SMCHD1: variants seen among roughly 807,000 people sequenced by gnomAD.
The protein encoded by SMCHD1 is structural maintenance of chromosomes flexible hinge domain containing 1.
In SMCHD1, 78 loss-of-function variants were observed where a neutral mutation model predicts 254.7. That is an observed-to-expected ratio of 0.31 (90% CI 0.26 to 0.37). The LOEUF is 0.37. Among genes scored for constraint, SMCHD1 ranks in the 10% least tolerant of loss-of-function variants. SMCHD1 has a pLI of 1.00. For synonymous variants in SMCHD1, 766 were observed against 794.9 expected (o/e 0.96, Z 0.61); for missense variants, 1,840 against 2,408.1 (o/e 0.76, Z 4.94).
intron 45 of SMCHD1, among the ~76,000 whole-genome samples, chr18:2,795,040 T>G (rs1230221167): frequency 4.3e-5 from 5 of 117,212 alleles, no homozygotes; most frequent in Admixed American, 8.9e-5. Flanking sequence ...AAATTCTGGG[T>G]TTTTTTTTTG....
chr18:2,723,596 G>A (rs1434039453), intron 20 of SMCHD1, among the ~76,000 whole-genome samples: 3 of 152,160 alleles, frequency 2.0e-5, no homozygotes, highest in Non-Finnish European at 2.9e-5. Flanking sequence ...CAGGGCTGGG[G>A]TGGGAATTGG....
In SMCHD1 at chr18:2,655,898, C is replaced by G. The variant is rs1480752249; in HGVS notation, c.-178C>G. On this transcript the variant is annotated 5_prime_UTR_variant, in exon 1 of 48. Coordinates refer to ENST00000320876, the MANE Select transcript of SMCHD1 (RefSeq NM_015295.3). ...GCAGGAGCGCGTTTGAATCGGTTCC[C>G]GGGTGATCCTCGCGCCTGCCGCTGC... is the stretch of plus-strand genomic sequence containing the variant. 4 of 400,124 alleles carry G rather than the reference C, an allele frequency of 1.0e-5. No homozygotes were observed. Among genetic ancestry groups the G allele is most frequent in the Non-Finnish European group, 1.7e-5 (4 of 234,836 alleles). The allele number at this position is 400,124 out of a possible 1,614,324, so 24.8% of individuals were successfully genotyped here.
chr18:2,785,084 G>C (rs938580972), intron 45 of SMCHD1: 3 of 275,108 alleles, frequency 1.1e-5, no homozygotes, highest in African/African-American at 7.0e-5. Context: ...TATGACATGT[G>C]ATCTCCTGCC....
intron 47 of SMCHD1, among the ~76,000 whole-genome samples, chr18:2,799,331 A>G (rs1441712762): frequency 6.6e-6 from 1 of 152,180 alleles, no homozygotes; most frequent in Admixed American, 6.5e-5. Flanking sequence ...GCTACGTTGC[A>G]AGTACTCTGG....
chr18:2,784,184 CCTTCCA>C (rs1179731745), intron 44 of SMCHD1, among the ~76,000 whole-genome samples: 3 of 152,204 alleles, frequency 2.0e-5, no homozygotes, highest in African/African-American at 4.8e-5. Context: ...CTGTCCTCTT[CCTTCCA>C]CTTATCAATC....
chr18:2,802,451 A>C lies in SMCHD1; in HGVS notation c.5994-77A>C. 5 of 1,070,532 alleles carry C rather than the reference A, an allele frequency of 4.7e-6. No individual in the cohort carries two copies. In the South Asian group the frequency reaches 7.5e-5, roughly 16 times the overall value. The allele number at this position is 1,070,532 out of a possible 1,614,324, so 66.3% of individuals were successfully genotyped here. On this transcript the variant is annotated intron_variant, in intron 47 of 47. Transcript: ENST00000320876. ...ATATGGTTTCATTGGATATTTAAGC[A>C]TTCAGGTGTGATGAGGGAATTCAGG... is the stretch of plus-strand genomic sequence containing the variant.
intron 5 of SMCHD1, among the ~76,000 whole-genome samples, 168 bp from the exon 6 acceptor site, chr18:2,688,226 A>T (rs972410710): frequency 6.6e-6 from 1 of 152,230 alleles, no homozygotes; most frequent in South Asian, 2.1e-4. Context: ...TGGGGACTAC[A>T]CTTTGAGATG....
intron 5 of SMCHD1, among the ~76,000 whole-genome samples, chr18:2,674,949 G>A (rs2073706838): frequency 6.6e-6 from 1 of 152,246 alleles, no homozygotes; most frequent in South Asian, 2.1e-4. Flanking sequence ...AATCAAATTA[G>A]TAAAGACTTA....
At chr18:2,656,953 G>A (rs1389425334) in intron 1 of SMCHD1, among the ~76,000 whole-genome samples, 2 of 152,180 alleles carry the variant, frequency 1.3e-5, no homozygotes, top group Non-Finnish European at 2.9e-5. Flanking sequence ...TACCTACCCC[G>A]TGTATTGGTT....
chr18:2,774,287 A>T (rs1157386889), intron 41 of SMCHD1, among the ~76,000 whole-genome samples: 1 of 152,078 alleles, frequency 6.6e-6, no homozygotes, highest in East Asian at 1.9e-4. Context: ...TTCTTTCTCC[A>T]TTGGCTAGAA....
chr18:2,700,698 TAA>T, intron 11 of SMCHD1, 35 bp from the exon 12 acceptor site: 1 of 1,603,834 alleles, frequency 6.2e-7, no homozygotes, highest in Non-Finnish European at 8.5e-7. Flanking sequence ...TTTTACAACT[TAA>T]TTCTTTTACT....
At chr18:2,797,810 G>A (rs567393724) in intron 47 of SMCHD1, among the ~76,000 whole-genome samples, 24 of 152,192 alleles carry the variant, frequency 1.6e-4, no homozygotes, top group South Asian at 1.5e-3. Flanking sequence ...CCAGCTACTC[G>A]GGAGGCTGAG....
chr18:2,685,887 T>A (rs562753769), intron 5 of SMCHD1, among the ~76,000 whole-genome samples: 2 of 152,252 alleles, frequency 1.3e-5, no homozygotes, highest in Non-Finnish European at 2.9e-5. Context: ...ACAAGTTGTT[T>A]CTACCTTTTG....
intron 22 of SMCHD1, 90 bp from the exon 23 acceptor site, chr18:2,728,367 G>T: frequency 8.1e-7 from 1 of 1,235,550 alleles, no homozygotes; most frequent in Non-Finnish European, 1.1e-6. Flanking sequence ...AAAATATTAA[G>T]TCTTTAATGT....
At chr18:2,770,699 C>T (rs2075962323) in intron 39 of SMCHD1, among the ~76,000 whole-genome samples, 2 of 152,120 alleles carry the variant, frequency 1.3e-5, no homozygotes, top group South Asian at 4.1e-4. Context: ...TCACTCACTG[C>T]ACCCTCTGCC....
In SMCHD1 at chr18:2,707,578, G is replaced by A; in HGVS notation, c.2079G>A (p.Leu693=). 6.2e-7 allele frequency: 1 copy of A among 1,606,186 alleles called. No homozygotes were observed. The highest frequency in any genetic ancestry group is 1.7e-4 in the Middle Eastern group (1 of 6,028). ...EDEMARLPDR[L]SVTWPEGDEL... Reference sequence around the variant, plus strand: ...TTCATAACAGGCTCCCTGATAGATTGTCAGTAACTTGGCCTGAAGGAGATG... The same window carrying A: ...TTCATAACAGGCTCCCTGATAGATTATCAGTAACTTGGCCTGAAGGAGATG... Residue 693 remains leucine, a synonymous_variant, in exon 16 of 48, where the codon TTG becomes TTA. Transcript: ENST00000320876.
At chr18:2,695,197 G>A (rs1414423916) in intron 8 of SMCHD1, among the ~76,000 whole-genome samples, 1 of 151,998 alleles carries the variant, frequency 6.6e-6, no homozygotes, top group African/African-American at 2.4e-5. Flanking sequence ...GTGCCTATAT[G>A]ACATTAGTAC....
Position 2,718,930 on chromosome 18 carries a change from C to A in SMCHD1, c.2458+496C>A, listed in dbSNP as rs1428569814. On this transcript the variant is annotated intron_variant, in intron 19 of 47. Coordinates refer to ENST00000320876, the MANE Select transcript of SMCHD1 (RefSeq NM_015295.3). This position sits in a 1 kb window ranked among gnomAD's most constrained non-coding sequence, Gnocchi z 4.6. Reference sequence around the variant, plus strand: ...TGAATTTTGAAGACATTGTTTTCTACTTTTCATTGTTGCTGGTAAAGTCTA... The same window carrying A: ...TGAATTTTGAAGACATTGTTTTCTAATTTTCATTGTTGCTGGTAAAGTCTA... Among the ~76,000 whole-genome samples, 1 of 152,054 alleles carries A rather than the reference C, an allele frequency of 6.6e-6. No individual in the cohort carries two copies. The highest frequency in any genetic ancestry group is 1.5e-5 in the Non-Finnish European group (1 of 67,994).
At chr18:2,678,557 TC>T (rs2073830097) in intron 5 of SMCHD1, among the ~76,000 whole-genome samples, 1 of 152,148 alleles carries the variant, frequency 6.6e-6, no homozygotes, top group Non-Finnish European at 1.5e-5. Context: ...CCTTAGGTAA[TC>T]CGCCCACCTC....
Sources: gnomAD v4.1 joint callset for allele counts (sites outside exome capture counted in the v4.1 genomes callset) on GRCh38, gnomAD v4.1.1 for gene constraint, Gnocchi (gnomAD v3.1) non-coding constraint, MANE v1.5 for transcripts, NCBI Gene and HGNC (gene_info 2026-07-23, HGNC 2026-07-21) for gene names.